RANBP17: variants seen among roughly 807,000 people sequenced by gnomAD.
RANBP17 encodes ran-binding protein 17.
RANBP17 carries 158 observed loss-of-function variants against 141.2 expected under a neutral mutation model. The ratio of observed to expected loss-of-function variants is 1.12; its 90% CI spans 0.98 to 1.28. The LOEUF (loss-of-function observed/expected upper bound fraction) is 1.28. RANBP17 is among the 50% of genes most tolerant of loss of function. The pLI, the probability that RANBP17 is intolerant of heterozygous loss-of-function variation, is 0.00. For synonymous variants in RANBP17, 430 were observed against 450.0 expected, an observed-to-expected ratio of 0.96 and a Z score of 0.56; for missense variants, 1,438 against 1,290.7, an observed-to-expected ratio of 1.11 and a Z score of -1.75.
At chr5:171,177,680 TC>T (rs1214036589) in intron 16 of RANBP17, among the ~76,000 whole-genome samples, 1 of 152,232 alleles carries the variant, frequency 6.6e-6, no homozygotes, top group African/African-American at 2.4e-5. Flanking sequence ...TAATCCTTAG[TC>T]CTTTAATACT....
intron 14 of RANBP17, among the ~76,000 whole-genome samples, chr5:171,131,121 TC>T (rs1756885573): frequency 6.6e-6 from 1 of 152,220 alleles, no homozygotes; most frequent in Non-Finnish European, 1.5e-5. Context: ...TCCTCAGCTT[TC>T]TTGTCTACAA....
At chr5:170,998,509 A>C (rs188636735) in intron 14 of RANBP17, among the ~76,000 whole-genome samples, 47 of 152,306 alleles carry the variant, frequency 3.1e-4, no homozygotes, top group African/African-American at 1.1e-3. Flanking sequence ...CCACTTAGAA[A>C]TAATGTCAGT....
chr5:171,185,780 G>A (rs1047877050), intron 18 of RANBP17, among the ~76,000 whole-genome samples: 4 of 152,176 alleles, frequency 2.6e-5, no homozygotes, highest in Non-Finnish European at 5.9e-5. Flanking sequence ...CCAAATTCCT[G>A]TTAATGTTGA....
intron 18 of RANBP17, among the ~76,000 whole-genome samples, chr5:171,198,937 ATAC>A (rs1286201881): frequency 1.3e-5 from 2 of 152,200 alleles, no homozygotes; most frequent in Non-Finnish European, 2.9e-5. Flanking sequence ...TTGAAAAAGA[ATAC>A]TATATAAATT....
At chr5:171,128,290 A>G (rs1213817586) in intron 14 of RANBP17, among the ~76,000 whole-genome samples, 2 of 152,246 alleles carry the variant, frequency 1.3e-5, no homozygotes, top group South Asian at 2.1e-4. Flanking sequence ...AAAATGTTGT[A>G]TATATACACA....
In RANBP17 at chr5:170,878,121, T is replaced by G; in HGVS notation, c.43T>G (p.Cys15Gly). ...FQSLAELEVLCTHLYIGTDLT... is the reference protein window; with the variant it reads ...FQSLAELEVLGTHLYIGTDLT... ...GAGTTTGGCTGAATTGGAAGTGTTA[T>G]GTACTCATCTCTACATAGGGACTGA... Residue 15 changes from cysteine (C) to glycine (G), a missense_variant, in exon 2 of 28, where the codon TGT (cysteine) becomes GGT (glycine). Cys to Gly is a radical substitution (Grantham distance 159, BLOSUM62 -3). Coordinates refer to ENST00000523189, the MANE Select transcript of RANBP17 (RefSeq NM_022897.5). 1 of 1,603,312 alleles carries G rather than the reference T, an allele frequency of 6.2e-7. No homozygotes were observed. The highest frequency in any genetic ancestry group is 8.5e-7 in the Non-Finnish European group (1 of 1,175,370).
chr5:171,091,143 A>C (rs547631482), intron 14 of RANBP17, among the ~76,000 whole-genome samples: 2 of 152,298 alleles, frequency 1.3e-5, no homozygotes, highest in South Asian at 2.1e-4. Context: ...CAGCCCATGA[A>C]AGCAGCCAGG....
intron 14 of RANBP17, among the ~76,000 whole-genome samples, chr5:170,996,575 T>C (rs1456366290): frequency 6.6e-6 from 1 of 152,194 alleles, no homozygotes; most frequent in Admixed American, 6.5e-5. Flanking sequence ...TAAAAAGTCA[T>C]GAAGACAGCA....
chr5:170,956,405 T>C (rs187818432), intron 13 of RANBP17, among the ~76,000 whole-genome samples: 175 of 152,270 alleles, frequency 1.1e-3, no homozygotes, highest in Non-Finnish European at 2.1e-3. Context: ...AACTATTTCT[T>C]CAATAAAATG....
intron 14 of RANBP17, among the ~76,000 whole-genome samples, chr5:171,079,599 T>C (rs150744908): frequency 2.2e-3 from 342 of 152,316 alleles, no homozygotes; most frequent in African/African-American, 7.5e-3. Flanking sequence ...ACCACCCTTA[T>C]CGGTCAGAAG....
At chr5:170,974,309 A>T (rs979589101) in intron 14 of RANBP17, among the ~76,000 whole-genome samples, 1 of 152,220 alleles carries the variant, frequency 6.6e-6, no homozygotes, top group African/African-American at 2.4e-5. Context: ...CACAAGGGAG[A>T]AACAGGAATG....
Position 170,878,131 on chromosome 5 carries a change from T to G in RANBP17, c.53T>G (p.Leu18Arg), listed in dbSNP as rs1179248365. 6.2e-7 allele frequency: 1 copy of G among 1,609,872 alleles called. No homozygotes were observed. The highest frequency in any genetic ancestry group is 1.1e-5 in the South Asian group (1 of 89,968). ...LAELEVLCTH[L>R]YIGTDLTQRI... ...GAATTGGAAGTGTTATGTACTCATC[T>G]CTACATAGGGACTGATCTTACACAA... Residue 18 changes from leucine to arginine, a missense_variant, in exon 2 of 28, where the codon CTC (leucine) becomes CGC (arginine). Leu to Arg is a moderately radical substitution (Grantham distance 102). Coordinates refer to ENST00000523189, the MANE Select transcript of RANBP17 (RefSeq NM_022897.5).
rs1045441792 is a variant in RANBP17, at chr5:171,112,036, C to A, written c.1711-58094C>A. On this transcript the variant is annotated intron_variant, in intron 14 of 27. Transcript: ENST00000523189. ...AAAATAATATGTATGGCTAGTTATTCTTCTGTTCTTATTATACATAGCAAA... is the reference window on the plus strand; with the variant it reads ...AAAATAATATGTATGGCTAGTTATTATTCTGTTCTTATTATACATAGCAAA... Among the ~76,000 whole-genome samples the A allele has an allele frequency of 2.6e-5, 4 of 152,118 alleles. No homozygotes were observed. The East Asian group carries it at 5.8e-4, about 22-fold the overall frequency.
intron 24 of RANBP17, among the ~76,000 whole-genome samples, chr5:171,262,433 G>T (rs567677927): frequency 6.6e-6 from 1 of 152,314 alleles, no homozygotes; most frequent in South Asian, 2.1e-4. Context: ...AGATGCAGAA[G>T]AAATTAACTA....
Position 170,881,831 on chromosome 5 carries a change from C to T in RANBP17, c.191C>T (p.Ala64Val). The T allele has an allele frequency of 6.2e-7, 1 of 1,609,032 alleles. No homozygotes were observed. Among genetic ancestry groups the T allele is most frequent in the South Asian group, 1.1e-5 (1 of 90,002 alleles). Residue 64 changes from alanine to valine, a missense_variant, in exon 3 of 28, where the codon GCA becomes GTA. Ala to Val is a moderately conservative substitution (Grantham distance 64, BLOSUM62 0). Coordinates refer to ENST00000523189, the MANE Select transcript of RANBP17 (RefSeq NM_022897.5). ...ACATCCTATGCTCAGCTCCTTGCAG[C>T]AACATGTCTTTCAAAACTTGTCAGC... ...GTTSYAQLLAATCLSKLVSRV... is the reference protein window; with the variant it reads ...GTTSYAQLLAVTCLSKLVSRV...
At chr5:170,889,997 T>C (rs901400797) in intron 3 of RANBP17, among the ~76,000 whole-genome samples, 17 of 152,196 alleles carry the variant, frequency 1.1e-4, no homozygotes, top group African/African-American at 3.1e-4. Context: ...TGATTTTTTT[T>C]CCCTGCCTTA....
chr5:171,005,895 C>T (rs1779566901), intron 14 of RANBP17, among the ~76,000 whole-genome samples: 2 of 151,882 alleles, frequency 1.3e-5, no homozygotes, highest in African/African-American at 2.4e-5. Flanking sequence ...AACAAATTTA[C>T]AAGAAAAAAA....
chr5:171,018,492 G>A (rs533639003), intron 14 of RANBP17, among the ~76,000 whole-genome samples: 3 of 152,024 alleles, frequency 2.0e-5, no homozygotes, highest in Admixed American at 6.6e-5. Context: ...AGCTGTATTC[G>A]TAGGTATTTT....
chr5:170,937,673 A>G (rs1773988854), intron 12 of RANBP17, among the ~76,000 whole-genome samples: 1 of 152,174 alleles, frequency 6.6e-6, no homozygotes, highest in African/African-American at 2.4e-5. Flanking sequence ...TCAGTTGAGT[A>G]TCTTTACAGG....
Sources: gnomAD v4.1 joint callset for allele counts (sites outside exome capture counted in the v4.1 genomes callset) on GRCh38, gnomAD v4.1.1 for gene constraint, MANE v1.5 for transcripts, NCBI Gene and HGNC (gene_info 2026-07-23, HGNC 2026-07-21) for gene names.